The following DENND5B variants were observed in gnomAD, a reference collection of about 807,000 sequenced individuals.
DENND5B encodes DENN domain containing 5B.
Under a neutral mutation model 140.6 loss-of-function variants are expected in DENND5B, and 34 were observed. The ratio of observed to expected loss-of-function variants is 0.24; its 90% CI spans 0.18 to 0.32. The LOEUF is 0.32. Among genes scored for constraint, DENND5B ranks in the 10% least tolerant of loss-of-function variants. The pLI is 1.00. For synonymous variants in DENND5B, 551 were observed against 562.1 expected (o/e 0.98, Z 0.28); for missense variants, 1,142 against 1,560.2 (o/e 0.73, Z 4.52).
chr12:31,521,247 A>T (rs1323055850), intron 1 of DENND5B, among the ~76,000 whole-genome samples: 2 of 152,184 alleles, frequency 1.3e-5, no homozygotes, highest in Non-Finnish European at 2.9e-5. Flanking sequence ...GAGATAAGGC[A>T]TTAGAATTCC....
intron 7 of DENND5B, among the ~76,000 whole-genome samples, chr12:31,438,948 CTT>C (rs1943905734): frequency 6.6e-6 from 1 of 152,152 alleles, no homozygotes; most frequent in Non-Finnish European, 1.5e-5. Flanking sequence ...TAAAGATTAA[CTT>C]AAATATAACT....
At chr12:31,573,477 C>T (rs1362702647) in intron 1 of DENND5B, among the ~76,000 whole-genome samples, 1 of 152,230 alleles carries the variant, frequency 6.6e-6, no homozygotes, top group African/African-American at 2.4e-5. Flanking sequence ...ATATCTGGGC[C>T]TCTGCCCCAT....
chr12:31,557,430 G>C (rs1260288312), intron 1 of DENND5B, among the ~76,000 whole-genome samples: 1 of 151,694 alleles, frequency 6.6e-6, no homozygotes, highest in Non-Finnish European at 1.5e-5. Context: ...CCAGGCTGGA[G>C]TGCAGTGGCA....
intron 2 of DENND5B, among the ~76,000 whole-genome samples, chr12:31,481,410 G>GT (rs1946062512): frequency 6.6e-6 from 1 of 152,300 alleles, no homozygotes; most frequent in African/African-American, 2.4e-5. Context: ...AGGTTAACAG[G>GT]TAAGTTTTAA....
chr12:31,430,845 T>A (rs1943478908), intron 8 of DENND5B, among the ~76,000 whole-genome samples: 1 of 152,172 alleles, frequency 6.6e-6, no homozygotes, highest in Non-Finnish European at 1.5e-5. Context: ...CTTCTGGGCA[T>A]CTCTGCTGGA....
At chr12:31,417,173 G>A (rs987634670) in intron 11 of DENND5B, among the ~76,000 whole-genome samples, 8 of 150,626 alleles carry the variant, frequency 5.3e-5, no homozygotes, top group African/African-American at 2.0e-4. Flanking sequence ...TGGCTAACAC[G>A]GTGAAACCCC....
chr12:31,471,738 C>G (rs1201557491), intron 3 of DENND5B, among the ~76,000 whole-genome samples: 1 of 152,034 alleles, frequency 6.6e-6, no homozygotes, highest in Non-Finnish European at 1.5e-5. Flanking sequence ...CGTGGAAGAA[C>G]ATGCTTGGGT....
intron 6 of DENND5B, among the ~76,000 whole-genome samples, chr12:31,443,333 C>T (rs1944128368): frequency 6.6e-6 from 1 of 152,128 alleles, no homozygotes; most frequent in Non-Finnish European, 1.5e-5. Flanking sequence ...CCTTGGCCTC[C>T]CAAAGTGCTG....
chr12:31,569,862 A>T (rs571203263), intron 1 of DENND5B, among the ~76,000 whole-genome samples: 1 of 152,054 alleles, frequency 6.6e-6, no homozygotes, highest in South Asian at 2.1e-4. Flanking sequence ...AGTACTTAGG[A>T]ACAACTAAAA....
chr12:31,584,940 C>T (rs757128791), intron 1 of DENND5B, among the ~76,000 whole-genome samples: 27 of 151,766 alleles, frequency 1.8e-4, no homozygotes, highest in Non-Finnish European at 3.1e-4. Context: ...CTTCAGGCTG[C>T]TTCCTCTCAT....
intron 15 of DENND5B, among the ~76,000 whole-genome samples, chr12:31,400,968 G>A (rs912212107): frequency 4.6e-5 from 7 of 151,160 alleles, no homozygotes; most frequent in South Asian, 2.1e-4. Flanking sequence ...TCAGCCTCCC[G>A]AGAAGCTGGG....
intron 3 of DENND5B, among the ~76,000 whole-genome samples, chr12:31,461,981 GACT>G (rs1945040839): frequency 1.3e-5 from 2 of 152,116 alleles, no homozygotes; most frequent in Non-Finnish European, 2.9e-5. Context: ...AATTTTAAAT[GACT>G]ACCTTTTTGG....
At chr12:31,405,446 A>T (rs538104035) in intron 14 of DENND5B, among the ~76,000 whole-genome samples, 1 of 149,350 alleles carries the variant, frequency 6.7e-6, no homozygotes, top group African/African-American at 2.5e-5. Context: ...TCAAACTCCT[A>T]AGCTCAAGAG....
chr12:31,513,112 T>C (rs560720512), intron 1 of DENND5B, among the ~76,000 whole-genome samples: 21 of 152,186 alleles, frequency 1.4e-4, no homozygotes, highest in Non-Finnish European at 2.6e-4. Flanking sequence ...AGGTATTTTG[T>C]AGAAGGTCCC....
chr12:31,538,160 T>C (rs973377050), intron 1 of DENND5B, among the ~76,000 whole-genome samples: 1 of 152,170 alleles, frequency 6.6e-6, no homozygotes, highest in African/African-American at 2.4e-5. Context: ...TCAGACCAAA[T>C]GGACCTAATA....
At chr12:31,576,380 G>A (rs1209858057) in intron 1 of DENND5B, among the ~76,000 whole-genome samples, 2 of 149,176 alleles carry the variant, frequency 1.3e-5, no homozygotes, top group African/African-American at 2.5e-5. Flanking sequence ...TTGAACCCGG[G>A]AGACAGAGTG....
At chr12:31,449,731 G>GTTTTGTTTTT (rs1555149742) in intron 5 of DENND5B, among the ~76,000 whole-genome samples, 1 of 89,970 alleles carries the variant, frequency 1.1e-5, no homozygotes, top group Non-Finnish European at 2.1e-5. Context: ...ACACAGATTA[G>GTTTTGTTTTT]TTTTTTTTTT....
At chr12:31,574,622 G>A (rs1949948847) in intron 1 of DENND5B, among the ~76,000 whole-genome samples, 1 of 152,022 alleles carries the variant, frequency 6.6e-6, no homozygotes, top group South Asian at 2.1e-4. Context: ...AAGGGAGGTG[G>A]AGGGGGAATT....
intron 2 of DENND5B, among the ~76,000 whole-genome samples, chr12:31,481,575 T>TTAGTGGATAAAGAAGATTCCAGGCA (rs1946073113): frequency 1.3e-5 from 2 of 152,160 alleles, no homozygotes; most frequent in Admixed American, 1.3e-4. Context: ...AGTATAGGTC[T>TTAGTGGATAAAGAAGATTCCAGGCA]TAGTGGATAA....
Sources: allele counts gnomAD v4.1 joint callset (sites outside exome capture counted in the v4.1 genomes callset), GRCh38; gene constraint gnomAD v4.1.1; transcripts MANE v1.5; gene names NCBI Gene and HGNC (gene_info 2026-07-23, HGNC 2026-07-21).